The following SCARA3 variants were observed in gnomAD, a reference collection of about 807,000 sequenced individuals.
SCARA3 encodes the protein cellular stress response gene protein.
Under a neutral mutation model 47.0 loss-of-function variants are expected in SCARA3, and 39 were observed. The ratio of observed to expected loss-of-function variants is 0.83; its 90% CI spans 0.64 to 1.08. SCARA3 has a LOEUF of 1.08. Ranked by LOEUF, SCARA3 falls within the 50% of genes least tolerant of loss-of-function variation. The pLI is 0.00. For synonymous variants in SCARA3, 356 were observed against 334.1 expected, an observed-to-expected ratio of 1.07 and a Z score of -0.71; for missense variants, 724 against 792.3, an observed-to-expected ratio of 0.91 and a Z score of 1.04.
At chr8:27,715,275 C>T in the SCARA3 span, among the ~76,000 whole-genome samples, 1 of 152,104 alleles carries the variant, frequency 6.6e-6, no homozygotes, top group Non-Finnish European at 1.5e-5. This position sits in a 1 kb window ranked among gnomAD's most constrained non-coding sequence, Gnocchi z 4.2. Flanking sequence ...ATGCCCACCT[C>T]ATTAATTTCA....
chr8:27,711,603 G>T, the SCARA3 span, among the ~76,000 whole-genome samples: 122 of 152,214 alleles, frequency 8.0e-4, no homozygotes, highest in African/African-American at 2.8e-3. Flanking sequence ...TATAATCTAG[G>T]TATAGGAAGT....
chr8:27,690,602 A>G, the SCARA3 span, among the ~76,000 whole-genome samples: 5 of 152,248 alleles, frequency 3.3e-5, no homozygotes, highest in African/African-American at 1.2e-4. Flanking sequence ...CTGATAAGGA[A>G]TAATTTCAAA....
the SCARA3 span, among the ~76,000 whole-genome samples, chr8:27,723,089 C>T: frequency 1.3e-5 from 2 of 152,334 alleles, no homozygotes; most frequent in African/African-American, 2.4e-5. Flanking sequence ...CCATAACCCA[C>T]TTATCTCTTG....
chr8:27,659,118 C>T lies in SCARA3; in HGVS notation c.948C>T (p.Ser316=). The T allele has an allele frequency of 1.9e-6, 3 of 1,614,150 alleles. No homozygotes were observed. The highest frequency in any genetic ancestry group is 2.5e-6 in the Non-Finnish European group (3 of 1,180,032). ...AGCTGCAGCTGGATAACATCTCGTCCTTCCTGGATGACCACGAAGAGAACA... is the reference window on the plus strand; with the variant it reads ...AGCTGCAGCTGGATAACATCTCGTCTTTCCTGGATGACCACGAAGAGAACA... ...GLQLQLDNIS[S]FLDDHEENMH... The change falls in exon 5 of 6, where the codon TCC becomes TCT. Residue 316 remains serine, a synonymous_variant. Transcript: ENST00000301904.
chr8:27,710,248 AAGG>A, the SCARA3 span, among the ~76,000 whole-genome samples: 1 of 149,440 alleles, frequency 6.7e-6, no homozygotes, highest in Non-Finnish European at 1.5e-5. Flanking sequence ...AAAAAAAAAA[AAGG>A]AGAGATTTCT....
In SCARA3 at chr8:27,672,049, G is replaced by A. The variant is rs1028403151; in HGVS notation, c.*698G>A. ...CCAAGGAAACCTTTGCGGGTGGGGCGTTACTGCCAAAACTCCAGAGGCAAA... is the reference window on the plus strand; with the variant it reads ...CCAAGGAAACCTTTGCGGGTGGGGCATTACTGCCAAAACTCCAGAGGCAAA... On this transcript the variant is annotated 3_prime_UTR_variant, in exon 6 of 6. Coordinates refer to ENST00000301904, the MANE Select transcript of SCARA3 (RefSeq NM_016240.3). 1.7e-5 allele frequency: 17 copies of A among 985,194 alleles called. No homozygotes were observed. Among genetic ancestry groups the A allele is most frequent in the Non-Finnish European group, 2.0e-5 (17 of 829,938 alleles). The allele number at this position is 985,194 out of a possible 1,614,324, so 61.0% of individuals were successfully genotyped here.
chr8:27,697,388 C>A, the SCARA3 span: 1 of 62,904 alleles, frequency 1.6e-5, no homozygotes, highest in East Asian at 7.3e-4. Flanking sequence ...CAGATGTGGC[C>A]TGAGGCATCA....
chr8:27,682,768 G>A, the SCARA3 span, among the ~76,000 whole-genome samples: 1 of 152,060 alleles, frequency 6.6e-6, no homozygotes, highest in East Asian at 1.9e-4. Flanking sequence ...ATTGTTATAG[G>A]GAATGTAAAA....
intron 1 of SCARA3, among the ~76,000 whole-genome samples, chr8:27,638,122 C>G (rs1801295797): frequency 1.3e-5 from 2 of 152,150 alleles, no homozygotes; most frequent in African/African-American, 4.8e-5. Context: ...ACTGAAGACT[C>G]AGGTCCCAAG....
At chr8:27,640,899 G>C (rs1801367275) in intron 1 of SCARA3, among the ~76,000 whole-genome samples, 1 of 152,164 alleles carries the variant, frequency 6.6e-6, no homozygotes, top group Admixed American at 6.5e-5. Flanking sequence ...GTTTCACCCT[G>C]TTCCCCAGGC....
intron 1 of SCARA3, among the ~76,000 whole-genome samples, chr8:27,636,001 C>T (rs936404030): frequency 1.8e-4 from 27 of 152,338 alleles, no homozygotes; most frequent in African/African-American, 6.3e-4. Context: ...TTCCCGTTGG[C>T]CTCCCCAAGT....
At chr8:27,666,526 C>T (rs1353594550) in intron 5 of SCARA3, among the ~76,000 whole-genome samples, 2 of 152,222 alleles carry the variant, frequency 1.3e-5, no homozygotes, top group East Asian at 3.8e-4. Flanking sequence ...GTCCCTGAGC[C>T]AGGCCAATAT....
intron 1 of SCARA3, among the ~76,000 whole-genome samples, chr8:27,639,418 G>A (rs1801333440): frequency 6.6e-6 from 1 of 152,168 alleles, no homozygotes; most frequent in African/African-American, 2.4e-5. Context: ...AAGGCTTCAG[G>A]GAGGAGCTGA....
chr8:27,716,103 C>T, the SCARA3 span, among the ~76,000 whole-genome samples: 18 of 151,962 alleles, frequency 1.2e-4, no homozygotes, highest in African/African-American at 3.9e-4. Flanking sequence ...ACCAGGAGTT[C>T]AAGACCAGCC....
Position 27,634,223 on chromosome 8 carries a change from CG to C in SCARA3, c.7+21del. The C allele has an allele frequency of 4.4e-6, 6 of 1,357,764 alleles. No individual in the cohort carries two copies. The highest frequency in any genetic ancestry group is 2.8e-6 in the Non-Finnish European group (3 of 1,056,204). 84.1% of individuals were successfully genotyped at this position (1,357,764 alleles called of 1,614,324 possible). A position where few individuals can be genotyped will look rare whatever the true frequency, so the allele number is the denominator to read the frequency against. On this transcript the variant is annotated intron_variant, in intron 1 of 5. Coordinates refer to ENST00000301904, the MANE Select transcript of SCARA3 (RefSeq NM_016240.3). ...ACCATGAAAGGTAAGGGCGGCCTGTCGGGGGCAGCTCCGAGGGGGGCCGCCT... is the reference window on the plus strand; with the variant it reads ...ACCATGAAAGGTAAGGGCGGCCTGTCGGGGCAGCTCCGAGGGGGGCCGCCT...
In SCARA3 at chr8:27,658,904, C is replaced by G; in HGVS notation, c.734C>G (p.Thr245Ser). The G allele has an allele frequency of 6.2e-7, 1 of 1,614,162 alleles. No individual in the cohort carries two copies. ...HGIQRKTDEETLTLQKIVTDW... is the reference protein window; with the variant it reads ...HGIQRKTDEESLTLQKIVTDW... The stretch of plus-strand genomic sequence containing the variant: ...ATCCAGCGGAAGACAGACGAGGAGA[C>G]CCTGACCCTCCAGAAGATTGTCACC... Residue 245 changes from threonine (T) to serine (S), a missense_variant, in exon 5 of 6, where the codon ACC (threonine) becomes AGC (serine). Transcript: ENST00000301904.
chr8:27,638,852 G>A (rs948737186), intron 1 of SCARA3, among the ~76,000 whole-genome samples: 1 of 152,138 alleles, frequency 6.6e-6, no homozygotes, highest in Non-Finnish European at 1.5e-5. Context: ...GGGTGGGCTG[G>A]GCTCTTTTCC....
the SCARA3 span, among the ~76,000 whole-genome samples, chr8:27,700,432 C>A: frequency 1.3e-5 from 2 of 151,998 alleles, no homozygotes; most frequent in Admixed American, 6.6e-5. Context: ...CATGGTGAAA[C>A]CCTGTCTCTA....
the SCARA3 span, among the ~76,000 whole-genome samples, chr8:27,723,793 C>A: frequency 2.0e-5 from 3 of 152,156 alleles, no homozygotes; most frequent in South Asian, 6.2e-4. Flanking sequence ...TGGAGTGCAA[C>A]GGTGCGATCT....
Sources: allele counts gnomAD v4.1 joint callset (sites outside exome capture counted in the v4.1 genomes callset), GRCh38; gene constraint gnomAD v4.1.1; non-coding constraint Gnocchi (gnomAD v3.1); transcripts MANE v1.5; gene names NCBI Gene and HGNC (gene_info 2026-07-23, HGNC 2026-07-21).